Variants in ERG observed in about 807,000 individuals in gnomAD.
ERG encodes the protein transcriptional regulator ERG.
In ERG, 9 loss-of-function variants were observed where a neutral mutation model predicts 55.3. The ratio of observed to expected loss-of-function variants is 0.16; its 90% CI spans 0.10 to 0.28. ERG has a LOEUF of 0.28. Among genes scored for constraint, ERG ranks in the 10% least tolerant of loss-of-function variants. The probability of loss-of-function intolerance (pLI) is 1.00; values close to 1 mark genes in which losing one functional copy is unlikely to be tolerated. For missense variants in ERG, 434 were observed against 631.6 expected (o/e 0.69, Z 3.35); for synonymous variants, 223 against 237.3 (o/e 0.94, Z 0.55).
chr21:38,646,068 C>G (rs780015736), intron 1 of ERG, among the ~76,000 whole-genome samples: 1 of 152,102 alleles, frequency 6.6e-6, no homozygotes, highest in Admixed American at 6.5e-5. Context: ...CACTTGAGGT[C>G]AGGAGTTCGA....
At chr21:38,501,179 C>T (rs1240412610), upstream of ERG, among the ~76,000 whole-genome samples, 1 of 150,882 alleles carries the variant, frequency 6.6e-6, no homozygotes, top group Non-Finnish European at 1.5e-5. Context: ...CATTCTCCTG[C>T]CTCAGCCTCC....
At chr21:38,400,363 TA>T (rs1173027801) in intron 6 of ERG, 1 of 673,374 alleles carries the variant, frequency 1.5e-6, no homozygotes, top group Non-Finnish European at 2.7e-6. Context: ...GTTAAAGGGC[TA>T]ATCTGCTCTT....
At chr21:38,437,274 T>C (rs907146886) in intron 2 of ERG, among the ~76,000 whole-genome samples, 15 of 151,628 alleles carry the variant, frequency 9.9e-5, no homozygotes, top group African/African-American at 3.6e-4. Context: ...GTTGGTTTCC[T>C]GCAGCATTTG....
At chr21:38,461,270 T>G (rs1024170632) in intron 1 of ERG, among the ~76,000 whole-genome samples, 7 of 152,140 alleles carry the variant, frequency 4.6e-5, no homozygotes. Flanking sequence ...CCTCCCTCTA[T>G]GCATGCCTGT....
At position 38,383,183 on chromosome 21, in the gene ERG, T is replaced by C. The variant is rs747016871; in HGVS notation, c.*220A>G. On this transcript the variant is annotated 3_prime_UTR_variant, in exon 10 of 10. Coordinates refer to ENST00000288319, the MANE Select transcript of ERG (RefSeq NM_182918.4). The surrounding 1 kb of genome is among the most constrained non-coding windows in gnomAD (Gnocchi z 5.7). ...TTACAAGGTCAGTCCACAGATGATA[T>C]GTCCATATTCGTGACATTTTTAGCA... 1.6e-6 allele frequency: 2 copies of C among 1,265,422 alleles called. No individual in the cohort carries two copies. Among genetic ancestry groups the C allele is most frequent in the East Asian group, 5.8e-5 (2 of 34,218 alleles). The allele number at this position is 1,265,422 out of a possible 1,614,324, so 78.4% of individuals were successfully genotyped here. A position where few individuals can be genotyped will look rare whatever the true frequency, so the allele number is the denominator to read the frequency against.
chr21:38,659,212 C>T (rs1234356028), intron 1 of ERG, among the ~76,000 whole-genome samples: 5 of 152,332 alleles, frequency 3.3e-5, no homozygotes, highest in African/African-American at 9.6e-5. Context: ...ATGTGTGTAG[C>T]TCTTCTAAAG....
intron 1 of ERG, among the ~76,000 whole-genome samples, chr21:38,488,855 G>T (rs1478888651): frequency 6.6e-6 from 1 of 152,166 alleles, no homozygotes; most frequent in African/African-American, 2.4e-5. Flanking sequence ...GTCTAATCAC[G>T]TCCCCTTAAA....
At chr21:38,574,243 G>A (rs191708878) in intron 2 of ERG, among the ~76,000 whole-genome samples, 1 of 152,326 alleles carries the variant, frequency 6.6e-6, no homozygotes, top group Non-Finnish European at 1.5e-5. Context: ...CTTTACTTGT[G>A]TAGCACAGAC....
At chr21:38,442,350 G>A (rs766795289) in intron 2 of ERG, among the ~76,000 whole-genome samples, 11 of 152,140 alleles carry the variant, frequency 7.2e-5, no homozygotes, top group Admixed American at 4.6e-4. Context: ...AGCTGAGATC[G>A]TGCCACTTCC....
chr21:38,430,814 A>G (rs115717119), intron 2 of ERG, among the ~76,000 whole-genome samples: 2,976 of 152,260 alleles, frequency 0.02, 29 homozygotes, highest in African/African-American at 0.027. Context: ...CAGCCTCCCT[A>G]TGAATAGCTG....
At chr21:38,554,066 C>A (rs1475962318) in intron 2 of ERG, among the ~76,000 whole-genome samples, 1 of 151,940 alleles carries the variant, frequency 6.6e-6, no homozygotes, top group Non-Finnish European at 1.5e-5. Flanking sequence ...GTGTGACCAA[C>A]AAGCATATGA....
intron 1 of ERG, among the ~76,000 whole-genome samples, chr21:38,580,234 T>G: frequency 6.6e-6 from 1 of 152,206 alleles, no homozygotes; most frequent in East Asian, 1.9e-4. Flanking sequence ...ATTACAGGCG[T>G]GAGCCACCAC....
At chr21:38,420,197 C>A (rs543478197) in intron 3 of ERG, among the ~76,000 whole-genome samples, 1 of 152,218 alleles carries the variant, frequency 6.6e-6, no homozygotes, top group South Asian at 2.1e-4. Context: ...TGCCTGGATA[C>A]CATGGGGATG....
chr21:38,622,931 CCACACACA>C (rs1158610576), intron 1 of ERG, among the ~76,000 whole-genome samples: 3 of 122,702 alleles, frequency 2.4e-5, no homozygotes, highest in Admixed American at 9.4e-5. Flanking sequence ...CCATACCACA[CCACACACA>C]CACACACACA....
intron 1 of ERG, among the ~76,000 whole-genome samples, chr21:38,606,289 T>G (rs898475624): frequency 7.9e-5 from 12 of 152,232 alleles, no homozygotes; most frequent in Admixed American, 5.2e-4. Flanking sequence ...ATTAGATGTA[T>G]AGATAGATGG....
intron 1 of ERG, among the ~76,000 whole-genome samples, chr21:38,590,474 C>G (rs1460797423): frequency 6.6e-6 from 1 of 152,158 alleles, no homozygotes; most frequent in African/African-American, 2.4e-5. Flanking sequence ...AATGATTTGT[C>G]TCTATAATTA....
At chr21:38,588,702 T>C (rs73906346), upstream of ERG, among the ~76,000 whole-genome samples, 2,406 of 152,228 alleles carry the variant, frequency 0.016, 71 homozygotes, top group African/African-American at 0.055. Flanking sequence ...GATGGACAGA[T>C]GCAAAGCACT....
chr21:38,477,994 CG>C (rs1715698722), intron 1 of ERG, among the ~76,000 whole-genome samples: 1 of 152,326 alleles, frequency 6.6e-6, no homozygotes, highest in African/African-American at 2.4e-5. Context: ...TCCTAACATT[CG>C]ATCTTATCTC....
At chr21:38,657,752 T>A (rs527850480) in intron 1 of ERG, among the ~76,000 whole-genome samples, 2 of 152,174 alleles carry the variant, frequency 1.3e-5, no homozygotes, top group Non-Finnish European at 2.9e-5. Context: ...GTCCGTACAC[T>A]GACAATGCAT....
Sources: allele counts gnomAD v4.1 joint callset (sites outside exome capture counted in the v4.1 genomes callset), GRCh38; gene constraint gnomAD v4.1.1; non-coding constraint Gnocchi (gnomAD v3.1); transcripts MANE v1.5; gene names NCBI Gene and HGNC (gene_info 2026-07-23, HGNC 2026-07-21).